Variants in SYNRG observed in about 807,000 individuals in gnomAD.
The protein encoded by SYNRG is synergin gamma.
In SYNRG, 37 loss-of-function variants were observed where a neutral mutation model predicts 130.9. The ratio of observed to expected loss-of-function variants is 0.28; its 90% CI spans 0.22 to 0.37. SYNRG has a LOEUF of 0.37. Among genes scored for constraint, SYNRG ranks in the 10% least tolerant of loss-of-function variants. The probability of loss-of-function intolerance (pLI) is 1.00; values close to 1 mark genes in which losing one functional copy is unlikely to be tolerated. For missense variants in SYNRG, 1,338 were observed against 1,588.9 expected (o/e 0.84, Z 2.68); for synonymous variants, 539 against 568.1 (o/e 0.95, Z 0.73).
At chr17:37,525,456 T>C (rs1040885145) in intron 19 of SYNRG, among the ~76,000 whole-genome samples, 2 of 152,242 alleles carry the variant, frequency 1.3e-5, no homozygotes, top group Non-Finnish European at 2.9e-5. Context: ...CTCCTTTTTA[T>C]GGAATGGTAG....
At chr17:37,594,232 AATTACAATATTAATT>A (rs2062504587) in intron 3 of SYNRG, among the ~76,000 whole-genome samples, 29 of 145,194 alleles carry the variant, frequency 2.0e-4, no homozygotes, top group Non-Finnish European at 3.5e-4. Context: ...TAATTATATT[AATTACAATATTAATT>A]ATTTTAATTA....
intron 8 of SYNRG, among the ~76,000 whole-genome samples, chr17:37,572,353 G>A (rs994913471): frequency 6.6e-5 from 10 of 151,848 alleles, no homozygotes; most frequent in South Asian, 4.2e-4. Flanking sequence ...CTTGAACCCC[G>A]AGACAAAGGT....
rs894319414 is a variant in SYNRG at position 37,560,142 on chromosome 17, C to T, written c.1663+1053G>A. On this transcript the variant is annotated intron_variant, in intron 13 of 21. Coordinates refer to ENST00000612223, the MANE Select transcript of SYNRG (RefSeq NM_007247.6). ...CCCAGGCTGGTCTCAAACTCCTGGGCTCAAGCCATCCTCCCACTCTGGCCT... is the reference window on the plus strand; with the variant it reads ...CCCAGGCTGGTCTCAAACTCCTGGGTTCAAGCCATCCTCCCACTCTGGCCT... Among the ~76,000 whole-genome samples, 40 of 152,048 alleles carry T rather than the reference C, an allele frequency of 2.6e-4. 1 individual carries two copies. The highest frequency in any genetic ancestry group is 6.8e-3 in the Middle Eastern group (2 of 292).
rs1374163434 is a variant in SYNRG at position 37,516,858 on chromosome 17, C to G, written c.*2082G>C. 6.6e-6 allele frequency: 1 copy of G among 152,046 alleles called. No individual in the cohort carries two copies. The highest frequency in any genetic ancestry group is 6.6e-5 in the Admixed American group (1 of 15,264). 9.4% of individuals were successfully genotyped at this position (152,046 alleles called of 1,614,324 possible). On this transcript the variant is annotated 3_prime_UTR_variant, in exon 22 of 22. Transcript: ENST00000612223. The stretch of plus-strand genomic sequence containing the variant: ...TTAGCTGGGGTCTTTACCATCATGC[C>G]CAGGGCTGGTCTCTAACTCCTGGGA...
intron 3 of SYNRG, among the ~76,000 whole-genome samples, chr17:37,588,311 G>C (rs1032667598): frequency 1.5e-5 from 2 of 137,436 alleles, no homozygotes; most frequent in Non-Finnish European, 3.1e-5. Context: ...CACCAAAGTT[G>C]GGATGCAGTA....
At chr17:37,520,354 A>C (rs1568236760) in intron 20 of SYNRG, 140 bp from the exon 21 acceptor site, 6 of 1,206,802 alleles carry the variant, frequency 5.0e-6, no homozygotes, top group Non-Finnish European at 7.2e-6. Context: ...AGCCGCGTCC[A>C]TTCCCTCCAC....
At chr17:37,567,172 A>C (rs1229410194) in intron 11 of SYNRG, 1 of 152,390 alleles carries the variant, frequency 6.6e-6, no homozygotes, top group African/African-American at 2.4e-5. Flanking sequence ...CATGCTGGCA[A>C]GGCTGGAGTG....
intron 1 of SYNRG, 95 bp from the exon 2 acceptor site, chr17:37,600,498 G>A: frequency 1.7e-6 from 2 of 1,206,910 alleles, no homozygotes; most frequent in South Asian, 1.3e-5. Flanking sequence ...ACTTGTAGAT[G>A]GGACCTGGTG....
In SYNRG at chr17:37,554,111, A is replaced by G. The variant is rs541982508; in HGVS notation, c.1664-52T>C. ...ATGGGAATGCTGAACTGAAAACCAT[A>G]TAATACACAGTATATTAAACTGCAA... On this transcript the variant is annotated intron_variant, in intron 13 of 21. Coordinates refer to ENST00000612223, the MANE Select transcript of SYNRG (RefSeq NM_007247.6). 6 of 1,514,250 alleles carry G rather than the reference A, an allele frequency of 4.0e-6. No homozygotes were observed. In the South Asian group the frequency reaches 6.0e-5, roughly 15 times the overall value. The allele number at this position is 1,514,250 out of a possible 1,614,324, so 93.8% of individuals were successfully genotyped here.
At chr17:37,563,579 G>A (rs940647077) in intron 11 of SYNRG, among the ~76,000 whole-genome samples, 1 of 152,166 alleles carries the variant, frequency 6.6e-6, no homozygotes, top group Non-Finnish European at 1.5e-5. Context: ...CCAGGCTGGA[G>A]TGCAGCGGCA....
Position 37,609,309 on chromosome 17 carries a change from C to G in SYNRG, c.47G>C (p.Gly16Ala). The change falls in exon 1 of 22, where the codon GGA becomes GCA. Residue 16 changes from glycine (G) to alanine (A), a missense_variant. Physicochemically the swap from Gly to Ala is moderately conservative, Grantham distance 60. Coordinates refer to ENST00000612223, the MANE Select transcript of SYNRG (RefSeq NM_007247.6). Reference sequence around the variant, plus strand: ...TCCCCCGGCGGACCCCGCGCCAGCTCCCGCGGCCCCGCCGCCACCAGAACC... The same window carrying G: ...TCCCCCGGCGGACCCCGCGCCAGCTGCCGCGGCCCCGCCGCCACCAGAACC... The part of the protein sequence containing the change: ...GAGSGGGGAA[G>A]AGAGSAGGGG... The G allele has an allele frequency of 6.8e-7, 1 of 1,464,214 alleles. No homozygotes were observed. The highest frequency in any genetic ancestry group is 9.0e-7 in the Non-Finnish European group (1 of 1,113,930). The allele number at this position is 1,464,214 out of a possible 1,614,324, so 90.7% of individuals were successfully genotyped here. A position where few individuals can be genotyped will look rare whatever the true frequency, so the allele number is the denominator to read the frequency against.
At chr17:37,574,859 G>C (rs1025545071) in intron 8 of SYNRG, among the ~76,000 whole-genome samples, 1 of 151,878 alleles carries the variant, frequency 6.6e-6, no homozygotes, top group Non-Finnish European at 1.5e-5. Flanking sequence ...TCTCCATAGT[G>C]GCTGTACTAA....
At chr17:37,573,559 G>A (rs958347107) in intron 8 of SYNRG, among the ~76,000 whole-genome samples, 9 of 152,116 alleles carry the variant, frequency 5.9e-5, no homozygotes, top group East Asian at 1.9e-4. Flanking sequence ...GATTTCATTC[G>A]TTTGGCTTGA....
chr17:37,588,097 G>A (rs2061839867), intron 3 of SYNRG, among the ~76,000 whole-genome samples: 1 of 151,814 alleles, frequency 6.6e-6, no homozygotes, highest in Non-Finnish European at 1.5e-5. Context: ...CATATTAAAT[G>A]CCCTTGTAAA....
At chr17:37,541,332 T>G (rs2057738684) in intron 15 of SYNRG, 8 of 835,988 alleles carry the variant, frequency 9.6e-6, no homozygotes, top group Non-Finnish European at 1.0e-5. Context: ...GTGAACAACT[T>G]AAGTAGGTCC....
At chr17:37,524,934 T>C (rs1000246699) in intron 19 of SYNRG, among the ~76,000 whole-genome samples, 3 of 152,198 alleles carry the variant, frequency 2.0e-5, no homozygotes, top group African/African-American at 7.2e-5. Context: ...CTCTGAATCC[T>C]GAAATCAATC....
intron 10 of SYNRG, among the ~76,000 whole-genome samples, chr17:37,569,795 A>G (rs1482790748): frequency 1.3e-5 from 2 of 152,082 alleles, no homozygotes; most frequent in Admixed American, 6.5e-5. Context: ...AAGAGTGGAC[A>G]CTGACTCCTA....
Position 37,562,992 on chromosome 17 carries a change from GA to G in SYNRG, c.1482-1404del, listed in dbSNP as rs886332472. On this transcript the variant is annotated intron_variant, in intron 11 of 21. Transcript: ENST00000612223. ...TTTTAAAATTATATTCACAGAATTG[GA>G]AAAAAAAACAACAACAGAATCTTTA... 3.0e-3 allele frequency among the ~76,000 whole-genome samples: 444 copies of G among 148,580 alleles called. 2 individuals are homozygous for G. The highest frequency in any genetic ancestry group is 0.01 in the African/African-American group (425 of 40,484).
intron 14 of SYNRG, among the ~76,000 whole-genome samples, chr17:37,544,710 T>C (rs1251076394): frequency 1.3e-5 from 2 of 152,176 alleles, no homozygotes; most frequent in South Asian, 4.1e-4. Flanking sequence ...TTCGTTTTTT[T>C]CCCCACGATT....
Sources: gnomAD v4.1 joint callset for allele counts (sites outside exome capture counted in the v4.1 genomes callset) on GRCh38, gnomAD v4.1.1 for gene constraint, MANE v1.5 for transcripts, NCBI Gene and HGNC (gene_info 2026-07-23, HGNC 2026-07-21) for gene names.